CTNNA3: variants seen among roughly 807,000 people sequenced by gnomAD.
CTNNA3 encodes the protein catenin alpha-3.
A neutral mutation model predicts 95.7 loss-of-function variants in CTNNA3; 76 were observed. That is an observed-to-expected ratio of 0.79 (90% CI 0.66 to 0.96). The LOEUF (loss-of-function observed/expected upper bound fraction) is 0.96, where lower values mean the gene tolerates loss of function less well. Among genes scored for constraint, CTNNA3 ranks in the 40% least tolerant of loss-of-function variants. CTNNA3 has a pLI of 0.00. For synonymous variants in CTNNA3, 431 were observed against 374.4 expected (o/e 1.15, Z -1.74); for missense variants, 1,191 against 1,089.8 (o/e 1.09, Z -1.31).
In CTNNA3 at chr10:66,957,419, T is replaced by C. The variant is rs1564793964; in HGVS notation, c.1048-181895A>G. 0.015 allele frequency among the ~76,000 whole-genome samples: 479 copies of C among 32,984 alleles called. 39 individuals carry two copies. In the East Asian group the frequency reaches 0.17, roughly 12 times the overall value. The allele number at this position is 32,984 out of a possible 152,430, so 21.6% of individuals were successfully genotyped here. On this transcript the variant is annotated intron_variant, in intron 7 of 17. Coordinates refer to ENST00000433211, the MANE Select transcript of CTNNA3 (RefSeq NM_013266.4). The stretch of plus-strand genomic sequence containing the variant: ...ATATATATATATATATATATGCATA[T>C]ATATATATGCATATATATATATGCA...
chr10:66,576,871 T>C (rs951809583), intron 10 of CTNNA3, among the ~76,000 whole-genome samples: 9 of 151,698 alleles, frequency 5.9e-5, no homozygotes, highest in Non-Finnish European at 1.3e-4. Flanking sequence ...TTGGGCCAAA[T>C]GATAGTTCTG....
At chr10:67,183,196 C>A (rs569407845) in intron 6 of CTNNA3, among the ~76,000 whole-genome samples, 46 of 152,262 alleles carry the variant, frequency 3.0e-4, no homozygotes, top group Non-Finnish European at 6.0e-4. Context: ...TGGGTATATA[C>A]CCAAAGGATT....
At chr10:67,072,012 G>A (rs1856494135) in intron 7 of CTNNA3, among the ~76,000 whole-genome samples, 1 of 152,110 alleles carries the variant, frequency 6.6e-6, no homozygotes, top group African/African-American at 2.4e-5. Flanking sequence ...GGAGTGCTGT[G>A]CACGATCTCA....
chr10:66,685,221 A>ATATATACGTATATATGTGTG (rs1589121799), intron 9 of CTNNA3, among the ~76,000 whole-genome samples: 2 of 122,316 alleles, frequency 1.6e-5, no homozygotes, highest in East Asian at 2.2e-4. Context: ...ATATATGTGT[A>ATATATACGTATATATGTGTG]TATATATACG....
At chr10:67,566,749 G>A (rs1217291329) in intron 3 of CTNNA3, among the ~76,000 whole-genome samples, 1 of 151,890 alleles carries the variant, frequency 6.6e-6, no homozygotes, top group South Asian at 2.1e-4. Flanking sequence ...CTCTTCACAA[G>A]AGCAAAGACT....
intron 1 of CTNNA3, among the ~76,000 whole-genome samples, chr10:67,753,848 A>G (rs1045701835): frequency 4.0e-5 from 6 of 148,868 alleles, no homozygotes; most frequent in African/African-American, 1.3e-4. Flanking sequence ...GAATAGGAAC[A>G]CTTTTACACT....
Position 66,367,880 on chromosome 10 carries a change from AATTATTATTATTATTATTATTATT to A in CTNNA3, c.1732+11248_1732+11271del, listed in dbSNP as rs200238646. ...TAATAATAATAATAATAATAATAAT[AATTATTATTATTATTATTATTATT>A]ATTATTATTATTATTATTATTATTT... On this transcript the variant is annotated intron_variant, in intron 12 of 17. Coordinates refer to ENST00000433211, the MANE Select transcript of CTNNA3 (RefSeq NM_013266.4). Among the ~76,000 whole-genome samples the A allele has an allele frequency of 4.2e-3, 199 of 47,166 alleles. 2 individuals are homozygous for A. The South Asian group carries it at 0.055, about 13-fold the overall frequency. 30.9% of individuals were successfully genotyped at this position (47,166 alleles called of 152,430 possible).
intron 5 of CTNNA3, among the ~76,000 whole-genome samples, chr10:67,310,549 A>G (rs1327967652): frequency 6.6e-6 from 1 of 152,184 alleles, no homozygotes. Flanking sequence ...TGCTATAAGG[A>G]CATACCTGAG....
At chr10:66,599,344 G>C (rs1843836635) in intron 10 of CTNNA3, among the ~76,000 whole-genome samples, 1 of 152,020 alleles carries the variant, frequency 6.6e-6, no homozygotes. Flanking sequence ...TTGGTTCATA[G>C]GCACAGGCCA....
At chr10:66,309,954 TA>T (rs1347699558) in intron 12 of CTNNA3, among the ~76,000 whole-genome samples, 30 of 121,400 alleles carry the variant, frequency 2.5e-4, no homozygotes, top group Admixed American at 1.5e-3. Context: ...AATAAATAAA[TA>T]AAATAAAAAT....
intron 12 of CTNNA3, among the ~76,000 whole-genome samples, chr10:66,305,069 T>G (rs2091914288): frequency 6.6e-6 from 1 of 152,092 alleles, no homozygotes. Context: ...AGGCTCATCC[T>G]CAGCCCCTCT....
intron 1 of CTNNA3, among the ~76,000 whole-genome samples, chr10:67,720,693 C>T (rs1841175136): frequency 6.6e-6 from 1 of 152,128 alleles, no homozygotes; most frequent in South Asian, 2.1e-4. Flanking sequence ...GTGGCTCATG[C>T]CTGTAATCCC....
intron 5 of CTNNA3, among the ~76,000 whole-genome samples, chr10:67,497,044 T>C (rs1839046962): frequency 6.6e-6 from 1 of 152,168 alleles, no homozygotes; most frequent in African/African-American, 2.4e-5. Context: ...CAACCCGTCA[T>C]CTACATTAGG....
At chr10:66,845,282 A>G (rs1426191111) in intron 7 of CTNNA3, among the ~76,000 whole-genome samples, 2 of 152,236 alleles carry the variant, frequency 1.3e-5, no homozygotes, top group Admixed American at 6.5e-5. Context: ...GGGGCTGAAC[A>G]TCACTAGTCA....
intron 5 of CTNNA3, among the ~76,000 whole-genome samples, chr10:67,441,317 A>G (rs1462118313): frequency 6.6e-6 from 1 of 152,070 alleles, no homozygotes; most frequent in Non-Finnish European, 1.5e-5. Flanking sequence ...GATCTAGAAA[A>G]TAGCCTCGAA....
At chr10:66,265,296 A>T (rs2091119787) in intron 13 of CTNNA3, among the ~76,000 whole-genome samples, 1 of 152,002 alleles carries the variant, frequency 6.6e-6, no homozygotes, top group South Asian at 2.1e-4. Context: ...GGATGTAGGT[A>T]ACTCACTTCA....
chr10:67,205,852 G>A (rs893098265), intron 6 of CTNNA3, among the ~76,000 whole-genome samples: 1 of 152,178 alleles, frequency 6.6e-6, no homozygotes, highest in African/African-American at 2.4e-5. Context: ...TTGTCATGGT[G>A]AGTCTTTCTC....
At chr10:66,538,238 G>A (rs1000737919) in intron 10 of CTNNA3, among the ~76,000 whole-genome samples, 15 of 152,214 alleles carry the variant, frequency 9.9e-5, no homozygotes, top group Admixed American at 5.2e-4. Flanking sequence ...AGATAAGGGT[G>A]ATGTTCGGCT....
chr10:66,074,322 CT>C (rs2080503958), intron 14 of CTNNA3, among the ~76,000 whole-genome samples: 1 of 151,438 alleles, frequency 6.6e-6, no homozygotes, highest in Non-Finnish European at 1.5e-5. Context: ...AATGAGTATT[CT>C]TGGACTTTTC....
Sources: allele counts gnomAD v4.1 joint callset (sites outside exome capture counted in the v4.1 genomes callset), GRCh38; gene constraint gnomAD v4.1.1; transcripts MANE v1.5; gene names NCBI Gene and HGNC (gene_info 2026-07-23, HGNC 2026-07-21).